MNAT1: variants seen among roughly 807,000 people sequenced by gnomAD.
MNAT1 encodes the protein MNAT1 component of CDK activating kinase, also known as CDK-activating kinase assembly factor MAT1.
Under a neutral mutation model 42.0 loss-of-function variants are expected in MNAT1, and 43 were observed. The observed-to-expected ratio is 1.02, with a 90% CI of 0.80 to 1.32. MNAT1 has a LOEUF of 1.32. MNAT1 is among the 40% of genes most tolerant of loss of function. MNAT1 has a pLI of 0.00. For synonymous variants in MNAT1, 118 were observed against 120.0 expected (o/e 0.98, Z 0.11); for missense variants, 306 against 350.4 (o/e 0.87, Z 1.01).
chr14:60,779,328 C>T (rs1214856601), intron 1 of MNAT1, among the ~76,000 whole-genome samples: 1 of 152,136 alleles, frequency 6.6e-6, no homozygotes, highest in Non-Finnish European at 1.5e-5. Context: ...CTGGATCGCT[C>T]TACTGGCAAG....
intron 6 of MNAT1, among the ~76,000 whole-genome samples, chr14:60,861,661 C>T (rs2034098371): frequency 6.6e-6 from 1 of 152,120 alleles, no homozygotes; most frequent in African/African-American, 2.4e-5. Context: ...AAAATATTCA[C>T]CTGAATCAAC....
intron 6 of MNAT1, among the ~76,000 whole-genome samples, chr14:60,876,338 TTC>T (rs2139458070): frequency 6.6e-6 from 1 of 152,162 alleles, no homozygotes; most frequent in Non-Finnish European, 1.5e-5. Context: ...TACACTTTTT[TTC>T]TCTTTTTCCT....
chr14:60,914,287 C>A (rs1211221393), intron 7 of MNAT1, among the ~76,000 whole-genome samples: 1 of 152,242 alleles, frequency 6.6e-6, no homozygotes, highest in Non-Finnish European at 1.5e-5. Context: ...TGAGGCGATG[C>A]CTTGCCCTGC....
At chr14:60,820,940 G>T (rs1594778074) in intron 6 of MNAT1, among the ~76,000 whole-genome samples, 1 of 152,106 alleles carries the variant, frequency 6.6e-6, no homozygotes, top group South Asian at 2.1e-4. Context: ...TGGTAAAATG[G>T]AGTTAGCCAT....
chr14:60,880,618 C>A (rs1018315149), intron 7 of MNAT1, among the ~76,000 whole-genome samples: 1 of 151,994 alleles, frequency 6.6e-6, no homozygotes, highest in Non-Finnish European at 1.5e-5. Flanking sequence ...AAGTCAGAGA[C>A]CCCAAGAACA....
At chr14:60,792,049 A>G (rs998770373) in intron 1 of MNAT1, among the ~76,000 whole-genome samples, 2 of 152,188 alleles carry the variant, frequency 1.3e-5, no homozygotes, top group Non-Finnish European at 2.9e-5. Flanking sequence ...GGAAAAATGT[A>G]TTTTGAGTTC....
intron 6 of MNAT1, among the ~76,000 whole-genome samples, chr14:60,832,123 G>C (rs140060718): frequency 3.9e-4 from 59 of 152,180 alleles, no homozygotes; most frequent in Non-Finnish European, 8.1e-4. Context: ...CTCCCATTCT[G>C]TAGGTTGCCT....
intron 7 of MNAT1, among the ~76,000 whole-genome samples, chr14:60,945,847 C>G (rs764413642): frequency 1.3e-5 from 2 of 152,172 alleles, no homozygotes; most frequent in Non-Finnish European, 2.9e-5. Flanking sequence ...GTGGCTTTCC[C>G]ACATCATCAG....
chr14:60,755,723 A>G (rs2030321859), intron 1 of MNAT1, among the ~76,000 whole-genome samples: 1 of 152,220 alleles, frequency 6.6e-6, no homozygotes, highest in South Asian at 2.1e-4. Context: ...ATAAATCAGT[A>G]TTCCTCACCT....
intron 6 of MNAT1, among the ~76,000 whole-genome samples, chr14:60,834,099 C>T (rs1425470547): frequency 2.6e-5 from 4 of 151,876 alleles, no homozygotes; most frequent in Admixed American, 6.6e-5. Context: ...CTATCTTTTT[C>T]GTTAATCTTT....
chr14:60,960,935 T>C (rs1361774241), intron 7 of MNAT1, among the ~76,000 whole-genome samples: 1 of 152,160 alleles, frequency 6.6e-6, no homozygotes, highest in East Asian at 1.9e-4. Context: ...ATTTACATTA[T>C]CAGGTTTCCT....
At chr14:60,805,223 CT>C (rs1555375867) in intron 3 of MNAT1, among the ~76,000 whole-genome samples, 2 of 133,486 alleles carry the variant, frequency 1.5e-5, no homozygotes, top group African/African-American at 5.4e-5. Flanking sequence ...TTTCTTTTTT[CT>C]TTTTTTTTAA....
intron 1 of MNAT1, among the ~76,000 whole-genome samples, chr14:60,745,727 G>A (rs1896593776): frequency 6.6e-6 from 1 of 152,070 alleles, no homozygotes; most frequent in Admixed American, 6.5e-5. Flanking sequence ...GTTGCGCCCG[G>A]CCCCTGTTTA....
chr14:60,828,614 A>G (rs1265523082), intron 6 of MNAT1, among the ~76,000 whole-genome samples: 1 of 151,730 alleles, frequency 6.6e-6, no homozygotes. Flanking sequence ...AGGATTTCCT[A>G]CAGTTTAACC....
At chr14:60,835,643 C>A (rs117957341) in intron 6 of MNAT1, among the ~76,000 whole-genome samples, 1 of 152,148 alleles carries the variant, frequency 6.6e-6, no homozygotes, top group Non-Finnish European at 1.5e-5. Context: ...GTAACCTGAC[C>A]TTTCTTTCTG....
At chr14:60,798,568 G>T (rs2032096128) in intron 3 of MNAT1, among the ~76,000 whole-genome samples, 1 of 152,092 alleles carries the variant, frequency 6.6e-6, no homozygotes, top group Non-Finnish European at 1.5e-5. Context: ...TGCTTCTGTG[G>T]ATATAGTAGT....
intron 6 of MNAT1, among the ~76,000 whole-genome samples, chr14:60,860,599 C>T (rs898215709): frequency 5.3e-5 from 8 of 151,998 alleles, no homozygotes; most frequent in South Asian, 2.1e-4. Flanking sequence ...GTGATCCGCC[C>T]GCCTCAGCCT....
At chr14:60,796,405 G>C (rs767035330) in intron 2 of MNAT1, 36 bp downstream of exon 2, 2 of 1,583,150 alleles carry the variant, frequency 1.3e-6, no homozygotes, top group East Asian at 4.5e-5. Flanking sequence ...AGTCAACAAA[G>C]AGGACTTTAA....
In MNAT1 at chr14:60,799,246, T is replaced by C. The variant is rs1354268413; in HGVS notation, c.316+1086T>C. 3 of 985,236 alleles carry C rather than the reference T, an allele frequency of 3.0e-6. No homozygotes were observed. The African/African-American group carries it at 5.2e-5, about 17-fold the overall frequency. 61.0% of individuals were successfully genotyped at this position (985,236 alleles called of 1,614,324 possible). On this transcript the variant is annotated intron_variant, in intron 3 of 7. Coordinates refer to ENST00000261245, the MANE Select transcript of MNAT1 (RefSeq NM_002431.4). ...TTCTGCATGTACTCATTGCACTTTG[T>C]ATGTTATCTTAGCAATCATGAGTGA...
Sources: allele counts gnomAD v4.1 joint callset (sites outside exome capture counted in the v4.1 genomes callset), GRCh38; gene constraint gnomAD v4.1.1; transcripts MANE v1.5; gene names NCBI Gene and HGNC (gene_info 2026-07-23, HGNC 2026-07-21).